GSR: variants seen among roughly 807,000 people sequenced by gnomAD.
The protein encoded by GSR is glutathione-disulfide reductase.
GSR carries 48 observed loss-of-function variants against 56.5 expected under a neutral mutation model. That is an observed-to-expected ratio of 0.85 (90% CI 0.67 to 1.08). The LOEUF (loss-of-function observed/expected upper bound fraction) is 1.08. Among genes scored for constraint, GSR ranks in the 50% least tolerant of loss-of-function variants. The pLI is 0.00. For synonymous variants in GSR, 264 were observed against 270.8 expected (o/e 0.97, Z 0.25); for missense variants, 694 against 703.3 (o/e 0.99, Z 0.15).
At chr8:30,688,129 G>A (rs1046136434) in intron 9 of GSR, among the ~76,000 whole-genome samples, 43 of 152,316 alleles carry the variant, frequency 2.8e-4, no homozygotes, top group African/African-American at 9.4e-4. Flanking sequence ...CTTCACATCT[G>A]TTCCCATCCC....
Position 30,700,101 on chromosome 8 carries a change from A to C in GSR, c.675T>G (p.Phe225Leu). The change falls in exon 6 of 13, where the codon TTT (phenylalanine) becomes TTG (leucine). Residue 225 changes from phenylalanine (F) to leucine (L), a missense_variant. Coordinates refer to ENST00000221130, the MANE Select transcript of GSR (RefSeq NM_000637.5). ...CTTACCCGGGCAATTCTTCCAGCTG[A>C]AAAAATCCATCGCTGGTTATTCCTA... ...ASLGITSDGF[F>L]QLEELPGRSV... 1 of 1,613,246 alleles carries C rather than the reference A, an allele frequency of 6.2e-7. No homozygotes were observed. The highest frequency in any genetic ancestry group is 8.5e-7 in the Non-Finnish European group (1 of 1,179,196).
intron 4 of GSR, among the ~76,000 whole-genome samples, chr8:30,703,971 T>C (rs1018578957): frequency 1.3e-5 from 2 of 152,036 alleles, no homozygotes; most frequent in Non-Finnish European, 2.9e-5. Context: ...AAAGATGACA[T>C]CTTTGCCCCC....
At position 30,727,802 on chromosome 8, in the gene GSR, C is replaced by CG; in HGVS notation, c.33dup (p.Ala12ArgfsTer55). ...GCCGCCCGCCGCCAGCTCGGTCCCG[C>CG]GCCGGCGCTCAGGGCTCGGGGCAGC... On this transcript the variant is annotated frameshift_variant, in exon 1 of 13. Coordinates refer to ENST00000221130, the MANE Select transcript of GSR (RefSeq NM_000637.5). LOFTEE classifies it high-confidence loss of function. 7.6e-7 allele frequency: 1 copy of CG among 1,313,662 alleles called. No homozygotes were observed. The highest frequency in any genetic ancestry group is 9.7e-7 in the Non-Finnish European group (1 of 1,033,182). 81.4% of individuals were successfully genotyped at this position (1,313,662 alleles called of 1,614,324 possible). A position where few individuals can be genotyped will look rare whatever the true frequency, so the allele number is the denominator to read the frequency against.
intron 1 of GSR, among the ~76,000 whole-genome samples, chr8:30,724,202 T>A (rs1485777072): frequency 6.6e-6 from 1 of 152,010 alleles, no homozygotes; most frequent in Non-Finnish European, 1.5e-5. Flanking sequence ...TGAGACCCTA[T>A]CTCTATAAAC....
intron 4 of GSR, among the ~76,000 whole-genome samples, 182 bp downstream of exon 4, chr8:30,707,890 G>A (rs568903130): frequency 6.6e-6 from 1 of 152,116 alleles, no homozygotes; most frequent in East Asian, 1.9e-4. Context: ...TCAGGAGGCG[G>A]AGGTTGCAGT....
chr8:30,690,347 A>G (rs1409602599), intron 8 of GSR, among the ~76,000 whole-genome samples: 1 of 151,732 alleles, frequency 6.6e-6, no homozygotes, highest in Non-Finnish European at 1.5e-5. Context: ...TTTCATAGAG[A>G]TGGCATCTTG....
At position 30,679,670 on chromosome 8, in the gene GSR, C is replaced by T. The variant is rs545836177; in HGVS notation, c.1420-1G>A. 1 of 1,612,840 alleles carries T rather than the reference C, an allele frequency of 6.2e-7. No homozygotes were observed. The highest frequency in any genetic ancestry group is 1.3e-5 in the African/African-American group (1 of 74,886). On this transcript the variant is annotated splice_acceptor_variant, in intron 12 of 12. Transcript: ENST00000221130. LOFTEE classifies it high-confidence loss of function. ...GTCCCTGCATATGGATCCCAACCAC[C>T]TGGGAAAAGAAGAGAAACATTTTCT...
At chr8:30,683,756 A>AG (rs1296196000) in intron 10 of GSR, among the ~76,000 whole-genome samples, 1 of 149,692 alleles carries the variant, frequency 6.7e-6, no homozygotes, top group East Asian at 2.0e-4. Flanking sequence ...AGTGTCTCCA[A>AG]AAAAAAAAAA....
chr8:30,691,877 T>C (rs895421972), intron 8 of GSR, among the ~76,000 whole-genome samples: 1 of 151,888 alleles, frequency 6.6e-6, no homozygotes, highest in African/African-American at 2.4e-5. Flanking sequence ...GGTGGGCAGA[T>C]AGTCTCAGCT....
intron 8 of GSR, among the ~76,000 whole-genome samples, chr8:30,690,936 C>T (rs1427819892): frequency 6.6e-6 from 1 of 151,722 alleles, no homozygotes; most frequent in Admixed American, 6.6e-5. Flanking sequence ...GGCATGGTGG[C>T]ATGCACCTGT....
chr8:30,722,750 A>G (rs984383873), intron 1 of GSR, among the ~76,000 whole-genome samples: 6 of 124,620 alleles, frequency 4.8e-5, no homozygotes, highest in African/African-American at 1.3e-4. Context: ...AAAAAAAAAA[A>G]AAAAGCATGT....
In GSR at chr8:30,703,202, C is replaced by G. The variant is rs147119692; in HGVS notation, c.531G>C (p.Thr177=). The G allele has an allele frequency of 6.2e-7, 1 of 1,613,974 alleles. No homozygotes were observed. Among genetic ancestry groups the G allele is most frequent in the South Asian group, 1.1e-5 (1 of 91,084 alleles). The change falls in exon 5 of 13, where the codon ACG becomes ACC. Residue 177 remains threonine, a synonymous_variant. Coordinates refer to ENST00000221130, the MANE Select transcript of GSR (RefSeq NM_000637.5). ...CCTCTATTGTGGGCTTGGGATCACT[C>G]GTGAAGGCTGCATGGCCACGGATGA... ...IEIIRGHAAF[T]SDPKPTIEVS...
chr8:30,694,460 C>T (rs890808550), intron 7 of GSR, among the ~76,000 whole-genome samples: 34 of 152,254 alleles, frequency 2.2e-4, no homozygotes, highest in African/African-American at 7.9e-4. Context: ...CAGGCGTATA[C>T]CACTACACCT....
chr8:30,705,003 A>G (rs1161816518), intron 4 of GSR: 3 of 152,184 alleles, frequency 2.0e-5, no homozygotes, highest in Non-Finnish European at 4.4e-5. Flanking sequence ...TGGGTCAACT[A>G]TAGGTAATTC....
intron 9 of GSR, among the ~76,000 whole-genome samples, chr8:30,684,928 C>CATTTATTTATTT (rs57141426): frequency 3.7e-5 from 5 of 133,788 alleles, no homozygotes; most frequent in African/African-American, 5.6e-5. Flanking sequence ...TTTTAACATA[C>CATTTATTTATTT]ATTTATTTAT....
chr8:30,696,387 T>C lies in GSR; in HGVS notation c.788A>G (p.His263Arg), dbSNP rs778911940. The change falls in exon 7 of 13, where the codon CAT becomes CGT. Residue 263 changes from histidine to arginine, a missense_variant. Physicochemically the swap from His to Arg is conservative, Grantham distance 29. Transcript: ENST00000221130. Reference sequence around the variant, plus strand: ...GAAAAAGGTGGCATTTACCTTATCATGCCGTATCATCAGTGATGTCTTAGA... The same window carrying C: ...GAAAAAGGTGGCATTTACCTTATCACGCCGTATCATCAGTGATGTCTTAGA... ...LGSKTSLMIR[H>R]DKVLRSFDSM... 1.9e-6 allele frequency: 3 copies of C among 1,587,482 alleles called. No homozygotes were observed. The highest frequency in any genetic ancestry group is 1.7e-5 in the Admixed American group (1 of 59,954).
intron 4 of GSR, among the ~76,000 whole-genome samples, chr8:30,704,247 C>T (rs1030011791): frequency 3.3e-5 from 5 of 151,934 alleles, no homozygotes; most frequent in African/African-American, 9.7e-5. Context: ...ATTCCTTGAA[C>T]CTGGGAGGCA....
At chr8:30,709,737 TA>T in intron 3 of GSR, 76 bp downstream of exon 3, 1 of 823,178 alleles carries the variant, frequency 1.2e-6, no homozygotes, top group Non-Finnish European at 2.1e-6. Context: ...CCTCCATCCC[TA>T]AAAAAGTTTA....
rs1261342734 is a variant in GSR at position 30,708,094 on chromosome 8, A to T, written c.470T>A (p.Ile157Asn). Residue 157 changes from isoleucine (I) to asparagine (N), a missense_variant, in exon 4 of 13, where the codon ATC becomes AAC. By Grantham distance (149) the Ile-to-Asn change is moderately radical. Coordinates refer to ENST00000221130, the MANE Select transcript of GSR (RefSeq NM_000637.5). ...RDAYVSRLNA[I>N]YQNNLTKSHI... ...CACCTTGGTGAGATTGTTTTGATAGATGGCATTCAGGCGGCTCACATAGGC... is the reference window on the plus strand; with the variant it reads ...CACCTTGGTGAGATTGTTTTGATAGTTGGCATTCAGGCGGCTCACATAGGC... 13 of 1,613,228 alleles carry T rather than the reference A, an allele frequency of 8.1e-6. No homozygotes were observed. Among genetic ancestry groups the T allele is most frequent in the Non-Finnish European group, 1.1e-5 (13 of 1,179,264 alleles).
Sources: gnomAD v4.1 joint callset for allele counts (sites outside exome capture counted in the v4.1 genomes callset) on GRCh38, gnomAD v4.1.1 for gene constraint, MANE v1.5 for transcripts, NCBI Gene and HGNC (gene_info 2026-07-23, HGNC 2026-07-21) for gene names.